SIPA1L3: variants seen among roughly 807,000 people sequenced by gnomAD.
SIPA1L3 encodes the protein signal-induced proliferation-associated 1-like protein 3.
In SIPA1L3, 59 loss-of-function variants were observed where a neutral mutation model predicts 150.1. That is an observed-to-expected ratio of 0.39 (90% CI 0.32 to 0.49). The LOEUF (loss-of-function observed/expected upper bound fraction) is 0.49, where lower values mean the gene tolerates loss of function less well. Ranked by LOEUF, SIPA1L3 falls within the 20% of genes least tolerant of loss-of-function variation. The pLI is 0.86. For synonymous variants in SIPA1L3, 1,070 were observed against 1,077.6 expected (o/e 0.99, Z 0.14); for missense variants, 2,211 against 2,489.5 (o/e 0.89, Z 2.38).
intron 12 of SIPA1L3, among the ~76,000 whole-genome samples, chr19:38,145,970 C>T (rs144507909): frequency 4.6e-4 from 70 of 152,244 alleles, no homozygotes; most frequent in African/African-American, 1.6e-3. Flanking sequence ...CCAAGCAGTC[C>T]TCCCATCTCA....
At position 38,029,130 on chromosome 19, in the gene SIPA1L3, A is replaced by T. The variant is rs1463781044; in HGVS notation, c.-337A>T. 1 of 152,208 alleles carries T rather than the reference A, an allele frequency of 6.6e-6. No individual in the cohort carries two copies. The highest frequency in any genetic ancestry group is 1.5e-5 in the Non-Finnish European group (1 of 68,040). 9.4% of individuals were successfully genotyped at this position (152,208 alleles called of 1,614,324 possible). ...ATCAGCTCTCCTGGGACCCTCCAAG[A>T]GCACTAGTGTCTAGAAGGCACTAAG... is the stretch of plus-strand genomic sequence containing the variant. On this transcript the variant is annotated 5_prime_UTR_variant, in exon 2 of 22. Transcript: ENST00000222345.
chr19:38,026,173 CAT>C (rs1968505910), intron 1 of SIPA1L3, among the ~76,000 whole-genome samples: 1 of 152,166 alleles, frequency 6.6e-6, no homozygotes. Context: ...GTTGTCAGGA[CAT>C]GTTTCCTTTT....
intron 15 of SIPA1L3, among the ~76,000 whole-genome samples, chr19:38,169,114 C>G (rs1442468550): frequency 2.6e-5 from 4 of 152,136 alleles, no homozygotes; most frequent in African/African-American, 9.7e-5. Flanking sequence ...CCAGGCCCGG[C>G]GCAGTGGCTC....
At chr19:38,184,157 G>A (rs529285154) in intron 16 of SIPA1L3, among the ~76,000 whole-genome samples, 1 of 152,138 alleles carries the variant, frequency 6.6e-6, no homozygotes, top group East Asian at 1.9e-4. Flanking sequence ...GCTCCATGGG[G>A]GTGGACCTGT....
intron 2 of SIPA1L3, among the ~76,000 whole-genome samples, chr19:38,070,166 C>A (rs2145797716): frequency 7.4e-6 from 1 of 135,500 alleles, no homozygotes; most frequent in East Asian, 2.1e-4. Context: ...TTCCTGACCC[C>A]CTCCCAACTA....
Position 38,081,488 on chromosome 19 carries a change from C to G in SIPA1L3, c.-78C>G. ...TCATCCTGGGCCTGGCTGCCCTGAA[C>G]AATGGCTGAGGGCTGGGGGACCCCA... On this transcript the variant is annotated 5_prime_UTR_variant, in exon 3 of 22. Transcript: ENST00000222345. The G allele has an allele frequency of 7.1e-7, 1 of 1,407,442 alleles. No individual in the cohort carries two copies. Among genetic ancestry groups the G allele is most frequent in the Non-Finnish European group, 9.6e-7 (1 of 1,041,974 alleles). The allele number at this position is 1,407,442 out of a possible 1,614,324, so 87.2% of individuals were successfully genotyped here. A position where few individuals can be genotyped will look rare whatever the true frequency, so the allele number is the denominator to read the frequency against.
intron 2 of SIPA1L3, among the ~76,000 whole-genome samples, chr19:38,051,819 A>G (rs1599956303): frequency 6.6e-6 from 1 of 150,848 alleles, no homozygotes; most frequent in South Asian, 2.1e-4. Flanking sequence ...CTGGTCTTGA[A>G]CTCCTGGTCT....
At chr19:38,060,268 G>A (rs913731751) in intron 2 of SIPA1L3, among the ~76,000 whole-genome samples, 4 of 152,170 alleles carry the variant, frequency 2.6e-5, no homozygotes, top group South Asian at 2.1e-4. Flanking sequence ...TATCATGTCC[G>A]AGAGGTGCAT....
intron 9 of SIPA1L3, among the ~76,000 whole-genome samples, chr19:38,127,639 T>G (rs1217208626): frequency 6.6e-6 from 1 of 152,148 alleles, no homozygotes; most frequent in Non-Finnish European, 1.5e-5. Flanking sequence ...TGCAAGCGTA[T>G]GCCACCATGC....
intron 1 of SIPA1L3, among the ~76,000 whole-genome samples, chr19:37,923,051 G>A (rs942336480): frequency 1.3e-5 from 2 of 151,762 alleles, no homozygotes; most frequent in African/African-American, 4.8e-5. Context: ...ACAGGAGAAT[G>A]GCGTGAACCC....
At chr19:38,204,490 C>T (rs1035935254) in intron 21 of SIPA1L3, among the ~76,000 whole-genome samples, 5 of 152,286 alleles carry the variant, frequency 3.3e-5, no homozygotes, top group East Asian at 3.9e-4. Flanking sequence ...TGTGGCTGGG[C>T]GCGGTGGCTC....
chr19:37,987,824 C>T (rs1055631717), intron 1 of SIPA1L3, among the ~76,000 whole-genome samples: 1 of 152,192 alleles, frequency 6.6e-6, no homozygotes, highest in African/African-American at 2.4e-5. Context: ...GCCTTTACTG[C>T]TCAGTAAATG....
At chr19:37,948,456 G>A (rs1430579537) in intron 1 of SIPA1L3, among the ~76,000 whole-genome samples, 1 of 150,618 alleles carries the variant, frequency 6.6e-6, no homozygotes, top group African/African-American at 2.4e-5. Flanking sequence ...AGCAGAGTGA[G>A]ACCCGGTCTT....
At position 38,038,822 on chromosome 19, in the gene SIPA1L3, TAG is replaced by T. The variant is rs148898899; in HGVS notation, c.-311+9669_-311+9670del. On this transcript the variant is annotated intron_variant, in intron 2 of 21. Coordinates refer to ENST00000222345, the MANE Select transcript of SIPA1L3 (RefSeq NM_015073.3). Reference sequence around the variant, plus strand: ...GGGTCTCACCCTTGACCAATTCAGTTAGAGTTACTGAGCGACATTATAAAGCT... The same window carrying T: ...GGGTCTCACCCTTGACCAATTCAGTTAGTTACTGAGCGACATTATAAAGCT... Among the ~76,000 whole-genome samples the T allele has an allele frequency of 5.7e-3, 870 of 152,322 alleles. 7 individuals carry two copies. Among genetic ancestry groups the T allele is most frequent in the African/African-American group, 0.02 (840 of 41,578 alleles).
Position 38,164,583 on chromosome 19 carries a change from G to T in SIPA1L3, c.3885G>T (p.Glu1295Asp), listed in dbSNP as rs1434934102. The T allele has an allele frequency of 1.2e-6, 2 of 1,614,102 alleles. No homozygotes were observed. The highest frequency in any genetic ancestry group is 2.2e-5 in the East Asian group (1 of 44,880). ...GGTTCGACCCCCTGGACCCCCTGGA[G>T]CCAGAGCAAGACCCCCTCTCCAAGG... is the stretch of plus-strand genomic sequence containing the variant. ...DRWFDPLDPLEPEQDPLSKGG... is the reference protein window; with the variant it reads ...DRWFDPLDPLDPEQDPLSKGG... Residue 1295 changes from glutamate (E) to aspartate (D), a missense_variant, in exon 15 of 22, where the codon GAG (glutamate) becomes GAT (aspartate). This residue lies in a region of SIPA1L3 where 806 missense variants were observed against 870.1 expected (regional missense o/e 0.93). Transcript: ENST00000222345. The surrounding 1 kb of genome is among the most constrained non-coding windows in gnomAD (Gnocchi z 4.1).
At position 38,193,752 on chromosome 19, in the gene SIPA1L3, C is replaced by T. The variant is rs143617253; in HGVS notation, c.4812C>T (p.Ala1604=). The T allele has an allele frequency of 3.4e-3, 5,380 of 1,572,954 alleles. 13 individuals are homozygous for T. Among genetic ancestry groups the T allele is most frequent in the Non-Finnish European group, 4.0e-3 (4,708 of 1,168,582 alleles). The part of the protein sequence containing the change: ...HPPVGPGATP[A]AGSGFPEKKS... ...CCGTCGGCCCCGGTGCCACCCCTGC[C>T]GCCGGCAGCGGCTTTCCCGAGAAGA... Residue 1604 remains alanine (A), a synonymous_variant, in exon 18 of 22, where the codon GCC becomes GCT. Transcript: ENST00000222345.
chr19:38,103,826 C>T (rs374471992), intron 6 of SIPA1L3, among the ~76,000 whole-genome samples: 5 of 146,484 alleles, frequency 3.4e-5, no homozygotes, highest in East Asian at 2.0e-4. Flanking sequence ...GGCGTGAACC[C>T]GCAAGGTGGA....
chr19:38,197,234 C>T (rs1466792545), intron 18 of SIPA1L3, among the ~76,000 whole-genome samples: 4 of 152,048 alleles, frequency 2.6e-5, no homozygotes, highest in East Asian at 1.9e-4. Flanking sequence ...CAGGCTCTGC[C>T]GATTCCCAGC....
intron 1 of SIPA1L3, 118 bp from the exon 2 acceptor site, chr19:38,028,971 C>T (rs1968579987): frequency 6.6e-6 from 1 of 152,136 alleles, no homozygotes; most frequent in Admixed American, 6.6e-5. Context: ...TGGGATTACA[C>T]TCAGCCATGT....
Sources: gnomAD v4.1 joint callset for allele counts (sites outside exome capture counted in the v4.1 genomes callset) on GRCh38, gnomAD v4.1.1 for gene constraint, gnomAD v4.1.1 regional missense constraint, Gnocchi (gnomAD v3.1) non-coding constraint, MANE v1.5 for transcripts, NCBI Gene and HGNC (gene_info 2026-07-23, HGNC 2026-07-21) for gene names.